PTPN9: variants seen among roughly 807,000 people sequenced by gnomAD.
The protein encoded by PTPN9 is protein tyrosine phosphatase non-receptor type 9, also known as tyrosine-protein phosphatase non-receptor type 9.
A neutral mutation model predicts 69.8 loss-of-function variants in PTPN9; 26 were observed. That is an observed-to-expected ratio of 0.37 (90% CI 0.27 to 0.52). PTPN9 has a LOEUF of 0.52. Ranked by LOEUF, PTPN9 falls within the 20% of genes least tolerant of loss-of-function variation. The pLI is 0.91. For missense variants in PTPN9, 549 were observed against 740.3 expected (o/e 0.74, Z 3.00); for synonymous variants, 274 against 272.5 (o/e 1.01, Z -0.05).
rs576449779 is a variant in PTPN9, at chr15:75,573,619, AAAG to A, written c.63+5092_63+5094del. On this transcript the variant is annotated intron_variant, in intron 1 of 12. Coordinates refer to ENST00000618819, the MANE Select transcript of PTPN9 (RefSeq NM_002833.4). ...ATGTGCTTATTTTTAAGCCACTCTG[AAAG>A]AAGATGATGCTGCCTGTATACAAAT... Among the ~76,000 whole-genome samples, 95 of 152,344 alleles carry A rather than the reference AAAG, an allele frequency of 6.2e-4. 1 individual carries two copies. Among genetic ancestry groups the A allele is most frequent in the Middle Eastern group, 3.4e-3 (1 of 294 alleles).
At chr15:75,548,690 G>A (rs1325834037) in intron 1 of PTPN9, among the ~76,000 whole-genome samples, 1 of 127,106 alleles carries the variant, frequency 7.9e-6, no homozygotes, top group Non-Finnish European at 1.6e-5. Flanking sequence ...GTCTTGCTCT[G>A]TCACCCAGGC....
At position 75,505,680 on chromosome 15, in the gene PTPN9, A is replaced by G; in HGVS notation, c.963T>C (p.Cys321=). 1 of 1,612,810 alleles carries G rather than the reference A, an allele frequency of 6.2e-7. No individual in the cohort carries two copies. Among genetic ancestry groups the G allele is most frequent in the Non-Finnish European group, 8.5e-7 (1 of 1,179,168 alleles). Residue 321 remains cysteine, a synonymous_variant, in exon 7 of 13, where the codon TGT becomes TGC. Transcript: ENST00000618819. ...RRENPVGTFH[C]SMSPGNLEKN... ...CCCAAACTTTTTCTACTTACATGGA[A>G]CAGTGGAAAGTGCCAACAGGGTTCT... is the stretch of plus-strand genomic sequence containing the variant.
chr15:75,517,250 T>A lies in PTPN9; in HGVS notation c.528+9A>T. ...GAAGGAAACTTGAGAGGGCCCTCCA[T>A]AGCCTTACCTTCAGCAGGTTTAGGA... On this transcript the variant is annotated intron_variant, in intron 5 of 12. Transcript: ENST00000618819. 1 of 1,602,700 alleles carries A rather than the reference T, an allele frequency of 6.2e-7. No homozygotes were observed. Among genetic ancestry groups the A allele is most frequent in the Non-Finnish European group, 8.5e-7 (1 of 1,170,392 alleles).
intron 7 of PTPN9, among the ~76,000 whole-genome samples, chr15:75,503,923 G>A (rs1410088292): frequency 4.9e-5 from 5 of 102,280 alleles, no homozygotes; most frequent in African/African-American, 7.8e-5. Flanking sequence ...CCCCCCGCCC[G>A]GCCAGCCGCC....
intron 9 of PTPN9, among the ~76,000 whole-genome samples, chr15:75,476,830 C>T (rs1295957521): frequency 6.6e-6 from 1 of 152,162 alleles, no homozygotes; most frequent in Admixed American, 6.5e-5. Context: ...CAGCCTCATC[C>T]ACATCCTACT....
chr15:75,556,463 C>T (rs1013115446), intron 1 of PTPN9, among the ~76,000 whole-genome samples: 2 of 151,932 alleles, frequency 1.3e-5, no homozygotes, highest in African/African-American at 2.4e-5. Context: ...CTGCAACCTC[C>T]GCCTCCCAGG....
chr15:75,546,368 G>A lies in PTPN9; in HGVS notation c.64-19107C>T, dbSNP rs1269385534. On this transcript the variant is annotated intron_variant, in intron 1 of 12. Coordinates refer to ENST00000618819, the MANE Select transcript of PTPN9 (RefSeq NM_002833.4). ...TATAGAAATAGGGAACTTCAGCCAG[G>A]CGCAGTGCCTCACGCCTGTAATCCC... Among the ~76,000 whole-genome samples the A allele has an allele frequency of 2.6e-5, 4 of 152,290 alleles. No homozygotes were observed. In the East Asian group the frequency reaches 7.7e-4, roughly 29 times the overall value.
chr15:75,476,361 C>T (rs1038453985), intron 9 of PTPN9, among the ~76,000 whole-genome samples: 1 of 151,966 alleles, frequency 6.6e-6, no homozygotes, highest in African/African-American at 2.4e-5. Flanking sequence ...GTCGCCCAGG[C>T]TGGAGTGCAG....
rs1007957161 is a variant in PTPN9 at position 75,575,899 on chromosome 15, A to G, written c.63+2815T>C. Among the ~76,000 whole-genome samples, 13 of 135,336 alleles carry G rather than the reference A, an allele frequency of 9.6e-5. No individual in the cohort carries two copies. In the South Asian group the frequency reaches 1.7e-3, roughly 17 times the overall value. 88.8% of individuals were successfully genotyped at this position (135,336 alleles called of 152,430 possible). A position where few individuals can be genotyped will look rare whatever the true frequency, so the allele number is the denominator to read the frequency against. ...GCGCCACTGCACTCCAGCCTGGGCA[A>G]CAGAGCAAGACTCCATCTCAAAAAA... On this transcript the variant is annotated intron_variant, in intron 1 of 12. Transcript: ENST00000618819.
intron 1 of PTPN9, among the ~76,000 whole-genome samples, chr15:75,577,798 G>C (rs1456572025): frequency 6.6e-6 from 1 of 152,040 alleles, no homozygotes; most frequent in African/African-American, 2.4e-5. Flanking sequence ...CATGGAATCA[G>C]ACTATGACTA....
chr15:75,501,159 T>C (rs1442031286), intron 7 of PTPN9, among the ~76,000 whole-genome samples: 2 of 152,154 alleles, frequency 1.3e-5, no homozygotes, highest in African/African-American at 4.8e-5. Context: ...CTCTTTGCTT[T>C]GCTAAAAGAC....
chr15:75,529,534 G>C (rs2074945699), intron 1 of PTPN9, among the ~76,000 whole-genome samples: 1 of 152,116 alleles, frequency 6.6e-6, no homozygotes. Flanking sequence ...AAAAAAATGA[G>C]GTTTGCTTCG....
chr15:75,558,512 TCTCCCC>T (rs1309956934), intron 1 of PTPN9, among the ~76,000 whole-genome samples: 3 of 151,420 alleles, frequency 2.0e-5, no homozygotes, highest in African/African-American at 4.9e-5. Flanking sequence ...TCCCTCTCCC[TCTCCCC>T]CTCCCCCTCT....
rs151277441 is a variant in PTPN9, at chr15:75,521,884, C to G, written c.422+1237G>C. On this transcript the variant is annotated intron_variant, in intron 4 of 12. Coordinates refer to ENST00000618819, the MANE Select transcript of PTPN9 (RefSeq NM_002833.4). ...TGTTAAAAAGAAAGTTTCCTGCCCT[C>G]AAGAAGCGAGTGGATTCATCATGTT... is the stretch of plus-strand genomic sequence containing the variant. 2.1e-3 allele frequency among the ~76,000 whole-genome samples: 318 copies of G among 152,242 alleles called. 1 individual carries two copies. The highest frequency in any genetic ancestry group is 7.2e-3 in the African/African-American group (298 of 41,550).
intron 4 of PTPN9, among the ~76,000 whole-genome samples, chr15:75,521,302 A>C (rs1208225195): frequency 6.6e-6 from 1 of 151,116 alleles, no homozygotes; most frequent in Non-Finnish European, 1.5e-5. Context: ...AAAAAAAAAA[A>C]AAAAACGGGC....
At chr15:75,531,583 G>T (rs1451415095) in intron 1 of PTPN9, among the ~76,000 whole-genome samples, 1 of 150,924 alleles carries the variant, frequency 6.6e-6, no homozygotes, top group Non-Finnish European at 1.5e-5. Flanking sequence ...TGTTTTTTCT[G>T]CTTTTTTTTT....
At chr15:75,553,260 G>T (rs1806727846) in intron 1 of PTPN9, among the ~76,000 whole-genome samples, 1 of 152,104 alleles carries the variant, frequency 6.6e-6, no homozygotes, top group Admixed American at 6.6e-5. Flanking sequence ...CATAAGAAAA[G>T]AATTAAAGAT....
In PTPN9 at chr15:75,578,731, T is replaced by C; in HGVS notation, c.46A>G (p.Thr16Ala). 1 of 1,358,880 alleles carries C rather than the reference T, an allele frequency of 7.4e-7. No individual in the cohort carries two copies. The highest frequency in any genetic ancestry group is 9.5e-7 in the Non-Finnish European group (1 of 1,053,424). The allele number at this position is 1,358,880 out of a possible 1,614,324, so 84.2% of individuals were successfully genotyped here. The change falls in exon 1 of 13, where the codon ACC becomes GCC. Residue 16 changes from threonine to alanine, a missense_variant. By Grantham distance (58) the Thr-to-Ala change is moderately conservative. Coordinates refer to ENST00000618819, the MANE Select transcript of PTPN9 (RefSeq NM_002833.4). ...APRPDMAPEL[T>A]PEEEQATKQF... ...CCGCTTACCTGCTCCTCCTCCGGGG[T>C]CAGCTCCGGCGCCATGTCGGGCCGG...
chr15:75,524,329 TATG>T, intron 2 of PTPN9, 31 bp from the exon 3 acceptor site: 1 of 1,415,206 alleles, frequency 7.1e-7, no homozygotes. Context: ...AATGTATTAA[TATG>T]AAAATACTGT....
Sources: gnomAD v4.1 joint callset for allele counts (sites outside exome capture counted in the v4.1 genomes callset) on GRCh38, gnomAD v4.1.1 for gene constraint, MANE v1.5 for transcripts, NCBI Gene and HGNC (gene_info 2026-07-23, HGNC 2026-07-21) for gene names.